The following TMEM218 variants were observed in gnomAD, a reference collection of about 807,000 sequenced individuals.
TMEM218 encodes the protein transmembrane protein 218.
Under a neutral mutation model 10.0 loss-of-function variants are expected in TMEM218, and 8 were observed. The ratio of observed to expected loss-of-function variants is 0.80; its 90% CI spans 0.47 to 1.44. The LOEUF (loss-of-function observed/expected upper bound fraction) is 1.44, where lower values mean the gene tolerates loss of function less well. Ranked by LOEUF, TMEM218 falls within the 40% of genes most tolerant of loss-of-function variation. The pLI, the probability that TMEM218 is intolerant of heterozygous loss-of-function variation, is 0.00. For synonymous variants in TMEM218, 66 were observed against 63.5 expected (o/e 1.04, Z -0.18); for missense variants, 110 against 140.1 (o/e 0.79, Z 1.08).
rs986018482 is a variant in TMEM218, at chr11:125,101,473, C to G, written c.111-170G>C. Reference sequence around the variant, plus strand: ...TCATCCCAAAGTCCTTCTTCCTAGACAGGTACCAGCTGGGTGCATTCCCAT... The same window carrying G: ...TCATCCCAAAGTCCTTCTTCCTAGAGAGGTACCAGCTGGGTGCATTCCCAT... On this transcript the variant is annotated intron_variant, in intron 3 of 4. Transcript: ENST00000682305. The G allele has an allele frequency of 3.7e-5, 56 of 1,531,858 alleles. No individual in the cohort carries two copies. The East Asian group carries it at 1.3e-3, about 35-fold the overall frequency. 94.9% of individuals were successfully genotyped at this position (1,531,858 alleles called of 1,614,324 possible). A position where few individuals can be genotyped will look rare whatever the true frequency, so the allele number is the denominator to read the frequency against.
At chr11:125,101,793 G>T in intron 3 of TMEM218, 1 of 474,490 alleles carries the variant, frequency 2.1e-6, no homozygotes. Flanking sequence ...CGTTTTCCTG[G>T]GTCCAGGGCT....
At chr11:125,101,760 C>A (rs1014956187) in intron 3 of TMEM218, 1 of 490,410 alleles carries the variant, frequency 2.0e-6, no homozygotes, top group East Asian at 3.3e-5. Context: ...AGAAAGCAGG[C>A]CCAACTCATC....
chr11:125,102,813 AAAG>A lies in TMEM218; in HGVS notation c.-152-7_-152-5del. On this transcript the variant is annotated splice_polypyrimidine_tract_variant and splice_region_variant and intron_variant, in intron 1 of 4. Transcript: ENST00000682305. Reference sequence around the variant, plus strand: ...AAGAGGATGAAAACTCCCAGTCCTTAAAGAAGAGGAACAGCCATCACTATTTTT... The same window carrying A: ...AAGAGGATGAAAACTCCCAGTCCTTAAAGAGGAACAGCCATCACTATTTTT... 2.5e-6 allele frequency: 2 copies of A among 801,098 alleles called. No homozygotes were observed. The highest frequency in any genetic ancestry group is 8.1e-4 in the Middle Eastern group (2 of 2,474). 49.6% of individuals were successfully genotyped at this position (801,098 alleles called of 1,614,324 possible).
intron 4 of TMEM218, among the ~76,000 whole-genome samples, chr11:125,099,561 C>G (rs145061735): frequency 1.3e-5 from 2 of 152,308 alleles, no homozygotes; most frequent in East Asian, 3.9e-4. Context: ...TTGCTCTGTG[C>G]CCTTCTCCCG....
At chr11:125,102,010 A>G in intron 3 of TMEM218, 122 bp downstream of exon 3, 1 of 1,132,964 alleles carries the variant, frequency 8.8e-7, no homozygotes, top group Non-Finnish European at 1.2e-6. Context: ...GTTAAAATGC[A>G]ACTCATTCAA....
rs1240423716 is a variant in TMEM218, at chr11:125,096,956, T to C, written c.*650A>G. 1 of 152,190 alleles carries C rather than the reference T, an allele frequency of 6.6e-6. No homozygotes were observed. Among genetic ancestry groups the C allele is most frequent in the African/African-American group, 2.4e-5 (1 of 41,448 alleles). 9.4% of individuals were successfully genotyped at this position (152,190 alleles called of 1,614,324 possible). ...AAACAAAAAACAATATTTCCATACCTTTCCTCTAATCCCAAGGAAACCTAA... is the reference window on the plus strand; with the variant it reads ...AAACAAAAAACAATATTTCCATACCCTTCCTCTAATCCCAAGGAAACCTAA... On this transcript the variant is annotated 3_prime_UTR_variant, in exon 5 of 5. Transcript: ENST00000682305.
At chr11:125,103,603 CTAG>C (rs2135819492) in intron 1 of TMEM218, 1 of 152,306 alleles carries the variant, frequency 6.6e-6, no homozygotes, top group South Asian at 2.1e-4. Flanking sequence ...TACAAATAAT[CTAG>C]TATTATCTTG....
intron 1 of TMEM218, among the ~76,000 whole-genome samples, chr11:125,107,713 G>C (rs918260471): frequency 6.6e-6 from 1 of 151,898 alleles, no homozygotes; most frequent in Non-Finnish European, 1.5e-5. Context: ...GAAGCTGGGT[G>C]ATGAGTGTGT....
In TMEM218 at chr11:125,108,163, G is replaced by A. The variant is rs1351941985; in HGVS notation, c.-153+3376C>T. 6.6e-6 allele frequency among the ~76,000 whole-genome samples: 1 copy of A among 152,048 alleles called. No homozygotes were observed. The highest frequency in any genetic ancestry group is 6.6e-5 in the Admixed American group (1 of 15,266). On this transcript the variant is annotated intron_variant, in intron 1 of 4. Transcript: ENST00000682305. The surrounding 1 kb of genome is among the most constrained non-coding windows in gnomAD (Gnocchi z 5.3). Reference sequence around the variant, plus strand: ...CTTGCCTTTCTTGTTACCAACTGCCGCAAGACACATTGAAAAACCAAAGTA... The same window carrying A: ...CTTGCCTTTCTTGTTACCAACTGCCACAAGACACATTGAAAAACCAAAGTA...
chr11:125,100,679 G>T (rs960044044), intron 4 of TMEM218, among the ~76,000 whole-genome samples: 1 of 152,184 alleles, frequency 6.6e-6, no homozygotes, highest in East Asian at 1.9e-4. Context: ...GTGCTGGCAG[G>T]TATGGTCCCA....
Position 125,095,259 on chromosome 11 carries a change from G to A in TMEM218, c.*2347C>T, listed in dbSNP as rs1265439282. Among the ~76,000 whole-genome samples the A allele has an allele frequency of 1.3e-5, 2 of 152,158 alleles. No individual in the cohort carries two copies. Among genetic ancestry groups the A allele is most frequent in the Non-Finnish European group, 2.9e-5 (2 of 68,020 alleles). On this transcript the variant is annotated 3_prime_UTR_variant, in exon 5 of 5. Transcript: ENST00000682305. ...ACCAGTCTGCCACAGGATCCCCTCT[G>A]GGTAGGGAACAGTAGAGGGAACATG...
chr11:125,111,515 C>G (rs1281107845), intron 1 of TMEM218, 24 bp downstream of exon 1: 5 of 152,616 alleles, frequency 3.3e-5, no homozygotes, highest in Admixed American at 6.5e-5. Flanking sequence ...TCTCCCTTCC[C>G]CGCAGCCGCC....
At chr11:125,109,891 A>G (rs1953321913) in intron 1 of TMEM218, among the ~76,000 whole-genome samples, 1 of 152,268 alleles carries the variant, frequency 6.6e-6, no homozygotes, top group Non-Finnish European at 1.5e-5. Context: ...TGGCGCCATT[A>G]GAAATGTTGC....
At chr11:125,109,906 C>T (rs1953331514) in intron 1 of TMEM218, among the ~76,000 whole-genome samples, 1 of 152,238 alleles carries the variant, frequency 6.6e-6, no homozygotes, top group Admixed American at 6.5e-5. Flanking sequence ...TGTTGCCCTT[C>T]AATCCCCCTT....
At chr11:125,110,853 G>C in intron 1 of TMEM218, 1 of 144,430 alleles carries the variant, frequency 6.9e-6, no homozygotes, top group African/African-American at 2.5e-5. Flanking sequence ...AAAATAACGG[G>C]GGGGGGGGGT....
chr11:125,101,115 A>G, intron 4 of TMEM218, 86 bp downstream of exon 4: 1 of 1,091,868 alleles, frequency 9.2e-7, no homozygotes, highest in Non-Finnish European at 1.3e-6. Flanking sequence ...ACCCGATGTC[A>G]GGGAACATCA....
chr11:125,102,130 A>G lies in TMEM218; in HGVS notation c.110+2T>C. On this transcript the variant is annotated splice_donor_variant, in intron 3 of 4. Coordinates refer to ENST00000682305, the MANE Select transcript of TMEM218 (RefSeq NM_001258244.2). LOFTEE classifies it high-confidence loss of function. ...GACTCCCAGTTGGACAGAATGCCTT[A>G]CCTCGCCGCCCCGGAGGCTCTGGAC... 6.5e-7 allele frequency: 1 copy of G among 1,549,262 alleles called. No individual in the cohort carries two copies. Among genetic ancestry groups the G allele is most frequent in the Non-Finnish European group, 8.7e-7 (1 of 1,152,908 alleles).
intron 1 of TMEM218, among the ~76,000 whole-genome samples, chr11:125,105,971 G>A (rs1331845807): frequency 6.6e-6 from 1 of 152,068 alleles, no homozygotes; most frequent in Non-Finnish European, 1.5e-5. Flanking sequence ...AAAAATAGCT[G>A]TGTACAAAAG....
intron 1 of TMEM218, chr11:125,105,023 A>G (rs1951785166): frequency 1.3e-5 from 2 of 152,226 alleles, no homozygotes; most frequent in Admixed American, 1.3e-4. Flanking sequence ...CAAGCCCACG[A>G]TGGCAAAGAA....
Sources: gnomAD v4.1 joint callset for allele counts (sites outside exome capture counted in the v4.1 genomes callset) on GRCh38, gnomAD v4.1.1 for gene constraint, Gnocchi (gnomAD v3.1) non-coding constraint, MANE v1.5 for transcripts, NCBI Gene and HGNC (gene_info 2026-07-23, HGNC 2026-07-21) for gene names.